RNF2: variants seen among roughly 807,000 people sequenced by gnomAD.
RNF2 encodes the protein E3 ubiquitin-protein ligase RING2.
In RNF2, 6 loss-of-function variants were observed where a neutral mutation model predicts 37.2. That is an observed-to-expected ratio of 0.16 (90% confidence interval 0.09 to 0.32). RNF2 has a LOEUF of 0.32. Ranked by LOEUF, RNF2 falls within the 10% of genes least tolerant of loss-of-function variation. The pLI, the probability that RNF2 is intolerant of heterozygous loss-of-function variation, is 1.00. For missense variants in RNF2, 251 were observed against 404.0 expected (o/e 0.62, Z 3.25); for synonymous variants, 133 against 132.7 (o/e 1.00, Z -0.02).
intron 2 of RNF2, among the ~76,000 whole-genome samples, chr1:185,089,802 G>A (rs544079900): frequency 1.3e-5 from 2 of 152,110 alleles, no homozygotes; most frequent in Non-Finnish European, 1.5e-5. Context: ...GGCCGAGGCC[G>A]GTGGATCACC....
intron 1 of RNF2, chr1:185,071,876 C>G (rs1451975241): frequency 6.6e-6 from 1 of 152,450 alleles, no homozygotes; most frequent in African/African-American, 2.4e-5. Context: ...TATTAGGCCT[C>G]TTTGTTGGTT....
intron 1 of RNF2, among the ~76,000 whole-genome samples, chr1:185,055,864 C>T (rs1650420349): frequency 6.6e-6 from 1 of 150,764 alleles, no homozygotes; most frequent in South Asian, 2.1e-4. Context: ...TTTTAGTTAG[C>T]ATATTTGTGA....
chr1:185,085,005 C>T (rs976192629), intron 1 of RNF2, among the ~76,000 whole-genome samples: 3 of 152,158 alleles, frequency 2.0e-5, no homozygotes, highest in Non-Finnish European at 4.4e-5. Flanking sequence ...GACCACTCTA[C>T]CTTAGTGGTC....
chr1:185,051,953 CATAT>C (rs140002491), intron 1 of RNF2, among the ~76,000 whole-genome samples: 14 of 145,706 alleles, frequency 9.6e-5, no homozygotes, highest in African/African-American at 3.3e-4. Flanking sequence ...TACATTTTTA[CATAT>C]ATATATATAT....
chr1:185,054,414 T>C (rs982802599), intron 1 of RNF2, among the ~76,000 whole-genome samples: 1 of 152,230 alleles, frequency 6.6e-6, no homozygotes, highest in Non-Finnish European at 1.5e-5. Context: ...CACTGTGCTC[T>C]GTGTCCTGGG....
chr1:185,047,253 C>T (rs1650146333), intron 1 of RNF2, among the ~76,000 whole-genome samples: 1 of 152,090 alleles, frequency 6.6e-6, no homozygotes, highest in African/African-American at 2.4e-5. Context: ...CAGGCCAATC[C>T]GTTTGAGTAT....
intron 1 of RNF2, among the ~76,000 whole-genome samples, chr1:185,085,154 T>C (rs1369720765): frequency 1.4e-5 from 2 of 144,312 alleles, no homozygotes; most frequent in Non-Finnish European, 1.5e-5. Context: ...TCTTTTTTTT[T>C]TTTTTTTTTT....
intron 1 of RNF2, among the ~76,000 whole-genome samples, chr1:185,052,594 G>A (rs1017792998): frequency 1.2e-4 from 18 of 152,224 alleles, no homozygotes; most frequent in Admixed American, 3.9e-4. Flanking sequence ...TTTTACTTTG[G>A]AGTAATGGAA....
chr1:185,061,122 C>G lies in RNF2; in HGVS notation c.-3+15473C>G, dbSNP rs1055869505. Among the ~76,000 whole-genome samples, 3 of 133,128 alleles carry G rather than the reference C, an allele frequency of 2.3e-5. 1 individual carries two copies. Among genetic ancestry groups the G allele is most frequent in the Admixed American group, 1.5e-4 (2 of 12,948 alleles). 87.3% of individuals were successfully genotyped at this position (133,128 alleles called of 152,430 possible). A position where few individuals can be genotyped will look rare whatever the true frequency, so the allele number is the denominator to read the frequency against. On this transcript the variant is annotated intron_variant, in intron 1 of 6. Transcript: ENST00000367510. Reference sequence around the variant, plus strand: ...GGTGCTGGAGTGAGACCCTATTTCTCTCTCTCTTTTTTTTTTTTTTTTTGA... The same window carrying G: ...GGTGCTGGAGTGAGACCCTATTTCTGTCTCTCTTTTTTTTTTTTTTTTTGA...
At chr1:185,069,868 T>C (rs1402268603) in intron 1 of RNF2, among the ~76,000 whole-genome samples, 1 of 152,206 alleles carries the variant, frequency 6.6e-6, no homozygotes, top group Admixed American at 6.5e-5. Context: ...TGACAACTAA[T>C]AAAGAAATCT....
At chr1:185,059,094 A>C (rs1650523580) in intron 1 of RNF2, among the ~76,000 whole-genome samples, 1 of 152,112 alleles carries the variant, frequency 6.6e-6, no homozygotes, top group South Asian at 2.1e-4. Flanking sequence ...GCCAGGATTA[A>C]GCTTTTTTGT....
At chr1:185,085,555 A>G (rs6677056) in intron 1 of RNF2, among the ~76,000 whole-genome samples, 52,645 of 151,544 alleles carry the variant, frequency 0.35, 9,337 homozygotes, top group Middle Eastern at 0.38. Context: ...GTTTTTAACA[A>G]CTTTCTCTCA....
At chr1:185,075,090 G>A (rs1651106082) in intron 1 of RNF2, among the ~76,000 whole-genome samples, 1 of 152,068 alleles carries the variant, frequency 6.6e-6, no homozygotes, top group Admixed American at 6.5e-5. Flanking sequence ...CACCTTCCGG[G>A]TTCAAGCCAT....
At chr1:185,063,070 A>C (rs1650660775) in intron 1 of RNF2, among the ~76,000 whole-genome samples, 1 of 152,214 alleles carries the variant, frequency 6.6e-6, no homozygotes, top group African/African-American at 2.4e-5. Flanking sequence ...GTCCTGGACA[A>C]CTTTTTGCCA....
chr1:185,084,001 G>T (rs930795972), intron 1 of RNF2, among the ~76,000 whole-genome samples: 1 of 150,070 alleles, frequency 6.7e-6, no homozygotes, highest in African/African-American at 2.5e-5. Context: ...GAGTGCAGTG[G>T]CACAGTCGTA....
chr1:185,073,699 A>G (rs1468564715), intron 1 of RNF2, among the ~76,000 whole-genome samples: 1 of 152,252 alleles, frequency 6.6e-6, no homozygotes, highest in African/African-American at 2.4e-5. Context: ...TAAGACAATT[A>G]CATCAGCCAG....
At chr1:185,084,437 C>G (rs1651522206) in intron 1 of RNF2, among the ~76,000 whole-genome samples, 1 of 152,112 alleles carries the variant, frequency 6.6e-6, no homozygotes, top group South Asian at 2.1e-4. Flanking sequence ...GATGGTGATG[C>G]TAAAGCATGA....
intron 1 of RNF2, among the ~76,000 whole-genome samples, chr1:185,048,763 T>C (rs1650186226): frequency 6.6e-6 from 1 of 151,772 alleles, no homozygotes; most frequent in Admixed American, 6.6e-5. Flanking sequence ...AAATCACATG[T>C]AGTAAAAAAA....
intron 1 of RNF2, among the ~76,000 whole-genome samples, chr1:185,083,799 A>T (rs1462590027): frequency 6.7e-6 from 1 of 149,880 alleles, no homozygotes; most frequent in Non-Finnish European, 1.5e-5. Flanking sequence ...TAGAGAGGGG[A>T]TTTTGCTGTG....
Sources: gnomAD v4.1 joint callset for allele counts (sites outside exome capture counted in the v4.1 genomes callset) on GRCh38, gnomAD v4.1.1 for gene constraint, MANE v1.5 for transcripts, NCBI Gene and HGNC (gene_info 2026-07-23, HGNC 2026-07-21) for gene names.